Variants in FIGN observed in about 807,000 individuals in gnomAD.
The protein encoded by FIGN is fidgetin, microtubule severing factor, also known as fidgetin.
FIGN carries 11 observed loss-of-function variants against 51.3 expected under a neutral mutation model. That is an observed-to-expected ratio of 0.21 (90% CI 0.13 to 0.35). The LOEUF is 0.35. FIGN is among the 10% of genes least tolerant of loss of function. The probability of loss-of-function intolerance (pLI) is 1.00; values close to 1 mark genes in which losing one functional copy is unlikely to be tolerated. For missense variants in FIGN, 857 were observed against 943.6 expected, an observed-to-expected ratio of 0.91 and a Z score of 1.20; for synonymous variants, 407 against 363.2, an observed-to-expected ratio of 1.12 and a Z score of -1.37.
intron 2 of FIGN, among the ~76,000 whole-genome samples, chr2:163,697,704 C>T (rs1684344366): frequency 6.6e-6 from 1 of 152,130 alleles, no homozygotes. Context: ...CCACAACACA[C>T]CAGTTGGTCA....
chr2:163,636,976 G>T (rs147577519), intron 2 of FIGN, among the ~76,000 whole-genome samples: 1 of 152,068 alleles, frequency 6.6e-6, no homozygotes, highest in Non-Finnish European at 1.5e-5. Flanking sequence ...CTAATTGAGA[G>T]GCTGAGGCAT....
intron 2 of FIGN, among the ~76,000 whole-genome samples, chr2:163,668,372 C>T (rs1683818676): frequency 6.6e-6 from 1 of 152,142 alleles, no homozygotes; most frequent in Admixed American, 6.5e-5. Flanking sequence ...ATCACCCAAA[C>T]TAAGAGAAGA....
chr2:163,634,031 A>C (rs1683187813), intron 2 of FIGN, among the ~76,000 whole-genome samples: 1 of 151,592 alleles, frequency 6.6e-6, no homozygotes. Context: ...TCTTTTCAGC[A>C]CAGTCTCTCA....
chr2:163,656,971 T>C (rs543381049), intron 2 of FIGN, among the ~76,000 whole-genome samples: 1 of 152,268 alleles, frequency 6.6e-6, no homozygotes, highest in East Asian at 1.9e-4. Context: ...TGAATGTATA[T>C]GGAAAACAGA....
At chr2:163,720,446 A>G (rs1024969820) in intron 2 of FIGN, among the ~76,000 whole-genome samples, 1 of 152,248 alleles carries the variant, frequency 6.6e-6, no homozygotes, top group Non-Finnish European at 1.5e-5. Context: ...AAAAGAGTCC[A>G]TTAGAAAACA....
At chr2:163,664,806 T>G (rs1683746730) in intron 2 of FIGN, among the ~76,000 whole-genome samples, 1 of 152,236 alleles carries the variant, frequency 6.6e-6, no homozygotes, top group South Asian at 2.1e-4. Flanking sequence ...TTCCTTCAAA[T>G]GAATTTGCTA....
At chr2:163,667,354 AC>A (rs1683798023) in intron 2 of FIGN, among the ~76,000 whole-genome samples, 1 of 151,538 alleles carries the variant, frequency 6.6e-6, no homozygotes, top group Non-Finnish European at 1.5e-5. Context: ...AAAAAAAAAA[AC>A]TTTTCTAAAA....
chr2:163,690,484 T>C (rs2105344950), intron 2 of FIGN, among the ~76,000 whole-genome samples: 1 of 152,176 alleles, frequency 6.6e-6, no homozygotes, highest in Non-Finnish European at 1.5e-5. Context: ...TAGAACCATT[T>C]GTAAAAAGCA....
At chr2:163,650,267 A>G (rs1459333048) in intron 2 of FIGN, among the ~76,000 whole-genome samples, 1 of 151,960 alleles carries the variant, frequency 6.6e-6, no homozygotes, top group East Asian at 1.9e-4. Flanking sequence ...AGAGCTTACT[A>G]GAGTCTATAT....
At position 163,665,654 on chromosome 2, in the gene FIGN, A is replaced by C. The variant is rs568228608; in HGVS notation, c.26-53848T>G. On this transcript the variant is annotated intron_variant, in intron 2 of 2. Transcript: ENST00000333129. ...ATTGAAAAGAATAAATCCATTATAA[A>C]GAATTCATATCTGCTGCTTTGTGAG... 1.7e-4 allele frequency among the ~76,000 whole-genome samples: 26 copies of C among 152,360 alleles called. No homozygotes were observed. The South Asian group carries it at 5.2e-3, about 30-fold the overall frequency.
chr2:163,645,664 A>G (rs909354246), intron 2 of FIGN, among the ~76,000 whole-genome samples: 2 of 152,164 alleles, frequency 1.3e-5, no homozygotes, highest in African/African-American at 4.8e-5. Context: ...TTTGCAGGCA[A>G]GGGCTTAAAG....
intron 2 of FIGN, among the ~76,000 whole-genome samples, chr2:163,649,673 T>C (rs1381030266): frequency 2.6e-5 from 4 of 152,128 alleles, no homozygotes; most frequent in Non-Finnish European, 4.4e-5. Flanking sequence ...AGGCAAATAA[T>C]CATGAGAAAT....
At chr2:163,638,445 TCA>T (rs572553919) in intron 2 of FIGN, among the ~76,000 whole-genome samples, 133 of 152,202 alleles carry the variant, frequency 8.7e-4, no homozygotes, top group African/African-American at 3.1e-3. Context: ...CACTAATTGC[TCA>T]CAGAGTCAAT....
chr2:163,706,363 T>A (rs542916419), intron 2 of FIGN, among the ~76,000 whole-genome samples: 12 of 152,194 alleles, frequency 7.9e-5, no homozygotes, highest in African/African-American at 2.2e-4. Context: ...TCCAAAAAGG[T>A]AAAACCAAGT....
At chr2:163,724,935 T>G (rs1684817146) in intron 2 of FIGN, among the ~76,000 whole-genome samples, 1 of 151,890 alleles carries the variant, frequency 6.6e-6, no homozygotes, top group African/African-American at 2.4e-5. Context: ...ACTGATAAGG[T>G]TTTTTTTACA....
intron 2 of FIGN, among the ~76,000 whole-genome samples, chr2:163,621,883 C>A (rs1682978781): frequency 6.6e-6 from 1 of 152,014 alleles, no homozygotes; most frequent in Non-Finnish European, 1.5e-5. Flanking sequence ...ACAACCTAAC[C>A]CATGGGAAAC....
intron 2 of FIGN, among the ~76,000 whole-genome samples, chr2:163,621,528 T>C (rs1682972396): frequency 1.3e-5 from 2 of 152,148 alleles, no homozygotes; most frequent in African/African-American, 2.4e-5. Flanking sequence ...TAAGACGTTG[T>C]AAGAAGATAA....
At chr2:163,734,375 TG>T (rs1295521255) in intron 2 of FIGN, among the ~76,000 whole-genome samples, 1 of 149,514 alleles carries the variant, frequency 6.7e-6, no homozygotes, top group Non-Finnish European at 1.5e-5. Flanking sequence ...TCAGAAGAAC[TG>T]ATTACTCCAC....
chr2:163,725,351 T>C (rs1251090397), intron 2 of FIGN, among the ~76,000 whole-genome samples: 1 of 152,060 alleles, frequency 6.6e-6, no homozygotes, highest in Admixed American at 6.5e-5. Context: ...AGGTTCTTGG[T>C]GAGTATGCCA....
Sources: gnomAD v4.1 joint callset for allele counts (sites outside exome capture counted in the v4.1 genomes callset) on GRCh38, gnomAD v4.1.1 for gene constraint, MANE v1.5 for transcripts, NCBI Gene and HGNC (gene_info 2026-07-23, HGNC 2026-07-21) for gene names.